The following PCYOX1 variants were observed in gnomAD, a reference collection of about 807,000 sequenced individuals.
PCYOX1 encodes prenylcysteine lyase.
Under a neutral mutation model 46.4 loss-of-function variants are expected in PCYOX1, and 46 were observed. The ratio of observed to expected loss-of-function variants is 0.99; its 90% CI spans 0.78 to 1.27. PCYOX1 has a LOEUF of 1.27. Ranked by LOEUF, PCYOX1 falls within the 50% of genes most tolerant of loss-of-function variation. The pLI is 0.00. For synonymous variants in PCYOX1, 220 were observed against 231.8 expected (o/e 0.95, Z 0.46); for missense variants, 658 against 628.3 (o/e 1.05, Z -0.51).
chr2:70,274,487 G>A (rs1054279650), intron 3 of PCYOX1, among the ~76,000 whole-genome samples: 7 of 151,142 alleles, frequency 4.6e-5, no homozygotes, highest in Non-Finnish European at 7.4e-5. Context: ...TGAAACCACC[G>A]CGCCTGGCCT....
Position 70,275,102 on chromosome 2 carries a change from T to C in PCYOX1, c.638T>C (p.Leu213Pro). 1 of 1,614,158 alleles carries C rather than the reference T, an allele frequency of 6.2e-7. No homozygotes were observed. The highest frequency in any genetic ancestry group is 8.5e-7 in the Non-Finnish European group (1 of 1,180,000). ...AAGGCCGGCTTTTCTGAGAAGTTCC[T>C]CAATGAAATGATTGCTCCTGTTATG... Reference protein sequence around the residue: ...LQKAGFSEKFLNEMIAPVMRV... With the variant: ...LQKAGFSEKFPNEMIAPVMRV... Residue 213 changes from leucine (L) to proline (P), a missense_variant, in exon 4 of 6, where the codon CTC becomes CCC. Transcript: ENST00000433351.
chr2:70,263,459 TA>T (rs1012887673), intron 3 of PCYOX1, among the ~76,000 whole-genome samples: 1 of 152,148 alleles, frequency 6.6e-6, no homozygotes, highest in African/African-American at 2.4e-5. Context: ...GTTGAGAGTA[TA>T]GGACCTACAA....
Position 70,265,954 on chromosome 2 carries a change from T to A in PCYOX1, c.494+4568T>A, listed in dbSNP as rs969993798. ...GAATCCCATCAGCCTTTAAAATACA[T>A]CCAGTATTCCACTACTTCTCTCCAG... On this transcript the variant is annotated intron_variant, in intron 3 of 5. Transcript: ENST00000433351. 2.6e-5 allele frequency among the ~76,000 whole-genome samples: 4 copies of A among 152,250 alleles called. No individual in the cohort carries two copies. In the East Asian group the frequency reaches 7.7e-4, roughly 29 times the overall value.
intron 2 of PCYOX1, among the ~76,000 whole-genome samples, chr2:70,259,826 T>C (rs1288415144): frequency 1.3e-5 from 2 of 152,168 alleles, no homozygotes; most frequent in South Asian, 2.1e-4. Context: ...ATTGTCTTTT[T>C]TTTTCTTTTG....
chr2:70,262,519 G>A (rs1306051127), intron 3 of PCYOX1, among the ~76,000 whole-genome samples: 4 of 137,312 alleles, frequency 2.9e-5, no homozygotes, highest in South Asian at 2.3e-4. Context: ...TTGCTCTGTC[G>A]CCCGGGCTGG....
In PCYOX1 at chr2:70,279,571, A is replaced by C. The variant is rs1696736367; in HGVS notation, c.*2179A>C. The C allele has an allele frequency of 6.6e-6, 1 of 152,234 alleles. No homozygotes were observed. The highest frequency in any genetic ancestry group is 1.5e-5 in the Non-Finnish European group (1 of 68,082). 9.4% of individuals were successfully genotyped at this position (152,234 alleles called of 1,614,324 possible). On this transcript the variant is annotated 3_prime_UTR_variant, in exon 6 of 6. Coordinates refer to ENST00000433351, the MANE Select transcript of PCYOX1 (RefSeq NM_016297.4). ...CGGATCACGAGGTCAGGAGATCAAG[A>C]CCATCCTGGCCAACATGGTGAAACC...
intron 1 of PCYOX1, among the ~76,000 whole-genome samples, chr2:70,258,778 C>G (rs1475373502): frequency 1.3e-5 from 2 of 152,224 alleles, no homozygotes; most frequent in East Asian, 1.9e-4. Flanking sequence ...TTGCTGAGGT[C>G]GGCCTGCTCT....
chr2:70,270,051 A>G (rs549613377), intron 3 of PCYOX1, among the ~76,000 whole-genome samples: 12 of 150,956 alleles, frequency 7.9e-5, no homozygotes, highest in East Asian at 3.9e-4. Context: ...CTGGAGTGCA[A>G]TGGTGCGATC....
intron 3 of PCYOX1, among the ~76,000 whole-genome samples, chr2:70,269,154 A>G (rs1357770992): frequency 7.2e-6 from 1 of 138,182 alleles, no homozygotes; most frequent in Non-Finnish European, 1.6e-5. Flanking sequence ...GGGTTTTCTT[A>G]TTTGTTTCAA....
rs1271125812 is a variant in PCYOX1, at chr2:70,279,042, G to C, written c.*1650G>C. 2.0e-5 allele frequency: 3 copies of C among 151,188 alleles called. No individual in the cohort carries two copies. The highest frequency in any genetic ancestry group is 4.4e-5 in the Non-Finnish European group (3 of 67,850). 9.4% of individuals were successfully genotyped at this position (151,188 alleles called of 1,614,324 possible). A position where few individuals can be genotyped will look rare whatever the true frequency, so the allele number is the denominator to read the frequency against. On this transcript the variant is annotated 3_prime_UTR_variant, in exon 6 of 6. Coordinates refer to ENST00000433351, the MANE Select transcript of PCYOX1 (RefSeq NM_016297.4). ...GAGCCTTGGAGGTCAAGGCTGCAGT[G>C]AATCATGATCATGCCACTGTACTCC...
intron 3 of PCYOX1, among the ~76,000 whole-genome samples, chr2:70,267,780 A>AGAGGGAGAGGGG (rs1696548129): frequency 7.3e-6 from 1 of 136,744 alleles, no homozygotes; most frequent in Admixed American, 7.6e-5. Context: ...GAGACCGTGG[A>AGAGGGAGAGGGG]GAGGGAGAGG....
intron 3 of PCYOX1, among the ~76,000 whole-genome samples, chr2:70,272,709 A>AT (rs1456413524): frequency 1.3e-5 from 2 of 151,412 alleles, no homozygotes; most frequent in Non-Finnish European, 2.9e-5. Context: ...TATTATTATT[A>AT]TTTTTTTGAG....
intron 3 of PCYOX1, chr2:70,274,715 C>T (rs534173754): frequency 6.4e-6 from 3 of 467,728 alleles, no homozygotes; most frequent in Non-Finnish European, 1.2e-5. Flanking sequence ...AGGCATACAC[C>T]ACTATGCCTG....
chr2:70,268,728 C>T (rs753408409), intron 3 of PCYOX1, among the ~76,000 whole-genome samples: 29 of 150,328 alleles, frequency 1.9e-4, no homozygotes, highest in East Asian at 1.8e-3. Flanking sequence ...TGAACCTGGG[C>T]GGCAGAGGTT....
intron 3 of PCYOX1, 73 bp from the exon 4 acceptor site, chr2:70,274,886 C>A: frequency 1.1e-6 from 1 of 942,050 alleles, no homozygotes; most frequent in Non-Finnish European, 1.8e-6. Context: ...CTTATGACGC[C>A]ACTTCCCTTC....
At position 70,263,010 on chromosome 2, in the gene PCYOX1, G is replaced by T. The variant is rs184223092; in HGVS notation, c.494+1624G>T. Among the ~76,000 whole-genome samples the T allele has an allele frequency of 3.1e-3, 474 of 152,226 alleles. 1 individual carries two copies. The highest frequency in any genetic ancestry group is 0.011 in the African/African-American group (439 of 41,544). Reference sequence around the variant, plus strand: ...GAATTTTGGGAGGCTGAGGCTGGTGGATCACCTGAGGTCAGGAGTTTGAGA... The same window carrying T: ...GAATTTTGGGAGGCTGAGGCTGGTGTATCACCTGAGGTCAGGAGTTTGAGA... On this transcript the variant is annotated intron_variant, in intron 3 of 5. Transcript: ENST00000433351.
rs570198955 is a variant in PCYOX1 at position 70,276,289 on chromosome 2, C to T, written c.860-445C>T. The stretch of plus-strand genomic sequence containing the variant: ...GGTTCACGCCATTCTCCTGCCTCAG[C>T]GTCCCGAGTAGCTGGGACTATAGGC... On this transcript the variant is annotated intron_variant, in intron 5 of 5. Transcript: ENST00000433351. 4.0e-5 allele frequency among the ~76,000 whole-genome samples: 6 copies of T among 151,728 alleles called. No homozygotes were observed. In the South Asian group the frequency reaches 6.3e-4, roughly 16 times the overall value.
Position 70,280,526 on chromosome 2 carries a change from A to C in PCYOX1, c.*3134A>C, listed in dbSNP as rs765322366. The C allele has an allele frequency of 1.3e-5, 2 of 152,298 alleles. No homozygotes were observed. The highest frequency in any genetic ancestry group is 2.4e-5 in the African/African-American group (1 of 41,572). The allele number at this position is 152,298 out of a possible 1,614,324, so 9.4% of individuals were successfully genotyped here. A position where few individuals can be genotyped will look rare whatever the true frequency, so the allele number is the denominator to read the frequency against. ...GTTTATTCAATAAGTTTGTTATGGG[A>C]TATAAGAAGATGCATTTTATTAAGT... On this transcript the variant is annotated 3_prime_UTR_variant, in exon 6 of 6. Transcript: ENST00000433351.
At chr2:70,274,050 G>A (rs1696634603) in intron 3 of PCYOX1, among the ~76,000 whole-genome samples, 1 of 152,202 alleles carries the variant, frequency 6.6e-6, no homozygotes, top group Admixed American at 6.5e-5. Context: ...GATACAGCAT[G>A]TAGGGCAAAT....
Sources: allele counts gnomAD v4.1 joint callset (sites outside exome capture counted in the v4.1 genomes callset), GRCh38; gene constraint gnomAD v4.1.1; transcripts MANE v1.5; gene names NCBI Gene and HGNC (gene_info 2026-07-23, HGNC 2026-07-21).